The following RAB8B variants were observed in gnomAD, a reference collection of about 807,000 sequenced individuals.
RAB8B encodes RAB8B, member RAS oncogene family, also known as ras-related protein Rab-8B.
In RAB8B, 11 loss-of-function variants were observed where a neutral mutation model predicts 32.0. That is an observed-to-expected ratio of 0.34 (90% CI 0.22 to 0.57). The LOEUF (loss-of-function observed/expected upper bound fraction) is 0.57, where lower values mean the gene tolerates loss of function less well. Ranked by LOEUF, RAB8B falls within the 20% of genes least tolerant of loss-of-function variation. RAB8B has a pLI of 0.86. For missense variants in RAB8B, 190 were observed against 258.5 expected (o/e 0.73, Z 1.82); for synonymous variants, 103 against 89.6 (o/e 1.15, Z -0.85).
rs2038091333 is a variant in RAB8B at position 63,248,734 on chromosome 15, T to A, written c.186-911T>A. On this transcript the variant is annotated intron_variant, in intron 2 of 7. Transcript: ENST00000321437. This position sits in a 1 kb window ranked among gnomAD's most constrained non-coding sequence, Gnocchi z 4.4. Reference sequence around the variant, plus strand: ...GTCTATGTTAAGGTGTTTATTGCTTTTTAACTTATGATATTCCCTTGGGCC... The same window carrying A: ...GTCTATGTTAAGGTGTTTATTGCTTATTAACTTATGATATTCCCTTGGGCC... 6.6e-6 allele frequency among the ~76,000 whole-genome samples: 1 copy of A among 152,206 alleles called. No individual in the cohort carries two copies. The highest frequency in any genetic ancestry group is 6.5e-5 in the Admixed American group (1 of 15,280).
At chr15:63,242,393 G>C (rs1351590552) in intron 1 of RAB8B, among the ~76,000 whole-genome samples, 1 of 152,058 alleles carries the variant, frequency 6.6e-6, no homozygotes, top group Admixed American at 6.5e-5. Flanking sequence ...AATAAAACTG[G>C]AGTTGGCTGG....
At chr15:63,232,154 G>A (rs2037941317) in intron 1 of RAB8B, among the ~76,000 whole-genome samples, 1 of 151,986 alleles carries the variant, frequency 6.6e-6, no homozygotes, top group Non-Finnish European at 1.5e-5. Flanking sequence ...TTGACTTTTG[G>A]TAGTTCTAGC....
At chr15:63,198,348 C>T (rs34119905) in intron 1 of RAB8B, among the ~76,000 whole-genome samples, 9,745 of 152,120 alleles carry the variant, frequency 0.064, 432 homozygotes, top group Middle Eastern at 0.14. Context: ...TTCCTGGGAG[C>T]TCTCATCTTC....
At chr15:63,194,625 TG>T (rs1219430029) in intron 1 of RAB8B, among the ~76,000 whole-genome samples, 1 of 152,202 alleles carries the variant, frequency 6.6e-6, no homozygotes, top group Non-Finnish European at 1.5e-5. Context: ...ATCATATTAA[TG>T]GGGGTATGTT....
chr15:63,238,209 G>T (rs1333376999), intron 1 of RAB8B, among the ~76,000 whole-genome samples: 1 of 151,554 alleles, frequency 6.6e-6, no homozygotes, highest in Non-Finnish European at 1.5e-5. Context: ...TGTTTTTTGA[G>T]ATTGTATAGT....
At chr15:63,250,370 C>T (rs1363846170) in intron 3 of RAB8B, among the ~76,000 whole-genome samples, 1 of 152,130 alleles carries the variant, frequency 6.6e-6, no homozygotes, top group Non-Finnish European at 1.5e-5. Flanking sequence ...TCATTCAGCC[C>T]TGCCACCATT....
At chr15:63,227,119 T>C (rs1382584173) in intron 1 of RAB8B, among the ~76,000 whole-genome samples, 1 of 152,218 alleles carries the variant, frequency 6.6e-6, no homozygotes, top group Admixed American at 6.5e-5. Context: ...AGCTTTATTT[T>C]GTGCTGACGT....
intron 6 of RAB8B, among the ~76,000 whole-genome samples, chr15:63,261,296 A>G (rs2038201849): frequency 6.6e-6 from 1 of 152,210 alleles, no homozygotes; most frequent in South Asian, 2.1e-4. Flanking sequence ...GGATGTAGAG[A>G]AAGGGGAACC....
At chr15:63,255,246 G>GT (rs1303514074) in intron 3 of RAB8B, among the ~76,000 whole-genome samples, 4 of 152,172 alleles carry the variant, frequency 2.6e-5, no homozygotes, top group Admixed American at 6.5e-5. Context: ...TAGAAAGGGT[G>GT]TATCACCTTT....
At chr15:63,229,967 A>T (rs2037922607) in intron 1 of RAB8B, among the ~76,000 whole-genome samples, 1 of 152,094 alleles carries the variant, frequency 6.6e-6, no homozygotes, top group Non-Finnish European at 1.5e-5. Flanking sequence ...TTTGTATCAT[A>T]GAGGATTGTG....
intron 1 of RAB8B, among the ~76,000 whole-genome samples, chr15:63,210,608 A>G (rs2037738732): frequency 6.6e-6 from 1 of 152,052 alleles, no homozygotes; most frequent in Non-Finnish European, 1.5e-5. Context: ...CAATTTTTTC[A>G]CACCAAAGCA....
Position 63,228,204 on chromosome 15 carries a change from G to GT in RAB8B, c.125-16551dup, listed in dbSNP as rs1449674088. Among the ~76,000 whole-genome samples, 3 of 152,044 alleles carry GT rather than the reference G, an allele frequency of 2.0e-5. No homozygotes were observed. The East Asian group carries it at 5.8e-4, about 29-fold the overall frequency. On this transcript the variant is annotated intron_variant, in intron 1 of 7. Coordinates refer to ENST00000321437, the MANE Select transcript of RAB8B (RefSeq NM_016530.3). ...GCTAATTGTTTTATTTTTTTGTAGA[G>GT]TAGGGTCTCCTTTGTGGCCCAAGCT...
At chr15:63,210,204 A>G (rs1484676183) in intron 1 of RAB8B, among the ~76,000 whole-genome samples, 1 of 152,156 alleles carries the variant, frequency 6.6e-6, no homozygotes, top group Non-Finnish European at 1.5e-5. Context: ...AAGAGGCCCT[A>G]AAAATCTTCT....
At chr15:63,249,825 G>T in intron 3 of RAB8B, 120 bp downstream of exon 3, 1 of 1,102,994 alleles carries the variant, frequency 9.1e-7, no homozygotes, top group Non-Finnish European at 1.3e-6. Flanking sequence ...TTTCTGATGG[G>T]GAAACAAGAC....
In RAB8B at chr15:63,233,055, C is replaced by CTTTTTTTT. The variant is rs752891283; in HGVS notation, c.125-11697_125-11690dup. 6.1e-3 allele frequency among the ~76,000 whole-genome samples: 862 copies of CTTTTTTTT among 141,460 alleles called. 37 individuals carry two copies. Among genetic ancestry groups the CTTTTTTTT allele is most frequent in the Non-Finnish European group, 7.6e-3 (496 of 65,604 alleles). The allele number at this position is 141,460 out of a possible 152,430, so 92.8% of individuals were successfully genotyped here. On this transcript the variant is annotated intron_variant, in intron 1 of 7. Coordinates refer to ENST00000321437, the MANE Select transcript of RAB8B (RefSeq NM_016530.3). The stretch of plus-strand genomic sequence containing the variant: ...CTTTTTTTTCAATCTAAGTAGCATT[C>CTTTTTTTT]TTTTTTTTTTTCTTTTTTGTTGAGA...
intron 1 of RAB8B, among the ~76,000 whole-genome samples, chr15:63,216,604 T>A (rs2037794525): frequency 6.7e-6 from 1 of 150,086 alleles, no homozygotes; most frequent in Non-Finnish European, 1.5e-5. Flanking sequence ...GGCTCACGCC[T>A]GTAATCCCAG....
In RAB8B at chr15:63,260,732, T is replaced by A. The variant is rs12437616; in HGVS notation, c.480+1040T>A. Among the ~76,000 whole-genome samples the A allele has an allele frequency of 7.6e-3, 1,152 of 152,282 alleles. 50 individuals carry two copies. The East Asian group carries it at 0.13, about 17-fold the overall frequency. Reference sequence around the variant, plus strand: ...TCACCAAGGGAACTGTTATTTTTTTTAAAAAACATTTTTTCAACTGATCAT... The same window carrying A: ...TCACCAAGGGAACTGTTATTTTTTTAAAAAAACATTTTTTCAACTGATCAT... On this transcript the variant is annotated intron_variant, in intron 6 of 7. Transcript: ENST00000321437.
At chr15:63,240,147 A>G (rs1257254600) in intron 1 of RAB8B, among the ~76,000 whole-genome samples, 1 of 152,134 alleles carries the variant, frequency 6.6e-6, no homozygotes, top group Non-Finnish European at 1.5e-5. Flanking sequence ...ACCAGGCTGA[A>G]GAAGTTGGCT....
chr15:63,251,987 C>T (rs1426048529), intron 3 of RAB8B, among the ~76,000 whole-genome samples: 2 of 151,988 alleles, frequency 1.3e-5, no homozygotes, highest in African/African-American at 2.4e-5. Flanking sequence ...CAACAGCATT[C>T]ATAGGCATAG....
Sources: allele counts gnomAD v4.1 joint callset (sites outside exome capture counted in the v4.1 genomes callset), GRCh38; gene constraint gnomAD v4.1.1; non-coding constraint Gnocchi (gnomAD v3.1); transcripts MANE v1.5; gene names NCBI Gene and HGNC (gene_info 2026-07-23, HGNC 2026-07-21).